The following NRG2 variants were observed in gnomAD, a reference collection of about 807,000 sequenced individuals.
The protein encoded by NRG2 is neuregulin 2, also known as pro-neuregulin-2, membrane-bound isoform.
NRG2 carries 27 observed loss-of-function variants against 73.9 expected under a neutral mutation model. That is an observed-to-expected ratio of 0.37 (90% CI 0.27 to 0.50). The LOEUF (loss-of-function observed/expected upper bound fraction) is 0.50. Among genes scored for constraint, NRG2 ranks in the 20% least tolerant of loss-of-function variants. The probability of loss-of-function intolerance (pLI) is 0.96; values close to 1 mark genes in which losing one functional copy is unlikely to be tolerated. For synonymous variants in NRG2, 532 were observed against 541.0 expected (o/e 0.98, Z 0.23); for missense variants, 1,126 against 1,210.1 (o/e 0.93, Z 1.03).
At chr5:139,925,353 ATGAGGCC>A (rs1369922648) in intron 1 of NRG2, among the ~76,000 whole-genome samples, 4 of 152,150 alleles carry the variant, frequency 2.6e-5, no homozygotes, top group Admixed American at 6.6e-5. Context: ...CTGGACACTC[ATGAGGCC>A]TGAAAACGCG....
chr5:140,036,244 C>T (rs1761497680), intron 1 of NRG2, among the ~76,000 whole-genome samples: 1 of 152,226 alleles, frequency 6.6e-6, no homozygotes, highest in South Asian at 2.1e-4. Context: ...CTTAATTTAA[C>T]TTCATTTCAT....
At chr5:140,015,164 T>C (rs1759670846) in intron 1 of NRG2, among the ~76,000 whole-genome samples, 1 of 151,342 alleles carries the variant, frequency 6.6e-6, no homozygotes, top group African/African-American at 2.4e-5. Flanking sequence ...CATTTTTTTT[T>C]CTTATAATAT....
In NRG2 at chr5:139,865,416, A is replaced by C; in HGVS notation, c.1189+133T>G. The stretch of plus-strand genomic sequence containing the variant: ...GAACTAACAAACCAAAATACAAAAA[A>C]GAAAAGAGAAACAAAACAAAACAGC... On this transcript the variant is annotated intron_variant, in intron 5 of 9. Coordinates refer to ENST00000361474, the MANE Select transcript of NRG2 (RefSeq NM_004883.3). This position sits in a 1 kb window ranked among gnomAD's most constrained non-coding sequence, Gnocchi z 5.2. 3.9e-6 allele frequency: 3 copies of C among 762,318 alleles called. No homozygotes were observed. The highest frequency in any genetic ancestry group is 3.2e-5 in the South Asian group (2 of 62,152). The allele number at this position is 762,318 out of a possible 1,614,324, so 47.2% of individuals were successfully genotyped here. A position where few individuals can be genotyped will look rare whatever the true frequency, so the allele number is the denominator to read the frequency against.
At position 139,915,259 on chromosome 5, in the gene NRG2, G is replaced by A. The variant is rs1473815362; in HGVS notation, c.701-27748C>T. On this transcript the variant is annotated intron_variant, in intron 1 of 9. Coordinates refer to ENST00000361474, the MANE Select transcript of NRG2 (RefSeq NM_004883.3). This position sits in a 1 kb window ranked among gnomAD's most constrained non-coding sequence, Gnocchi z 4.0. ...TTAAGAGCTTATTACCAAATAGGCT[G>A]TAAATGGCTTTCCAGCCTTCTCTTT... is the stretch of plus-strand genomic sequence containing the variant. Among the ~76,000 whole-genome samples, 2 of 152,224 alleles carry A rather than the reference G, an allele frequency of 1.3e-5. No homozygotes were observed. Among genetic ancestry groups the A allele is most frequent in the African/African-American group, 4.8e-5 (2 of 41,456 alleles).
At chr5:140,018,506 C>T (rs1279030228) in intron 1 of NRG2, among the ~76,000 whole-genome samples, 1 of 152,178 alleles carries the variant, frequency 6.6e-6, no homozygotes, top group Non-Finnish European at 1.5e-5. Flanking sequence ...ATGCCACCCA[C>T]ATCATTGCCC....
At position 139,873,296 on chromosome 5, in the gene NRG2, C is replaced by T. The variant is rs980635135; in HGVS notation, c.992-1455G>A. Among the ~76,000 whole-genome samples, 11 of 152,308 alleles carry T rather than the reference C, an allele frequency of 7.2e-5. No homozygotes were observed. In the South Asian group the frequency reaches 8.3e-4, roughly 11 times the overall value. ...CAACCCCAGACCCAGCTGGAACCCA[C>T]GTGCTGGCTGGAACTAGAGACCTCC... On this transcript the variant is annotated intron_variant, in intron 3 of 9. Coordinates refer to ENST00000361474, the MANE Select transcript of NRG2 (RefSeq NM_004883.3).
intron 1 of NRG2, among the ~76,000 whole-genome samples, chr5:140,023,412 T>C (rs1561759863): frequency 6.6e-6 from 1 of 152,170 alleles, no homozygotes; most frequent in East Asian, 1.9e-4. Context: ...AAGGCTAACC[T>C]CCAGTCCTAA....
intron 1 of NRG2, among the ~76,000 whole-genome samples, chr5:140,016,301 C>G (rs1013089163): frequency 6.6e-6 from 1 of 152,146 alleles, no homozygotes; most frequent in Non-Finnish European, 1.5e-5. Context: ...ACTCTCAGGG[C>G]CTTAGTTTTC....
chr5:139,897,841 C>T (rs753667748), intron 1 of NRG2, among the ~76,000 whole-genome samples: 9 of 152,146 alleles, frequency 5.9e-5, no homozygotes, highest in Admixed American at 1.3e-4. Flanking sequence ...ATAATGAAGT[C>T]GGGGCCCTGA....
chr5:140,002,248 T>C (rs1758546980), intron 1 of NRG2, among the ~76,000 whole-genome samples: 1 of 152,154 alleles, frequency 6.6e-6, no homozygotes, highest in African/African-American at 2.4e-5. Flanking sequence ...ACAAAATTTT[T>C]TGTCCTCTTG....
intron 1 of NRG2, among the ~76,000 whole-genome samples, chr5:139,960,600 G>A (rs1754986479): frequency 6.6e-6 from 1 of 152,194 alleles, no homozygotes; most frequent in African/African-American, 2.4e-5. Context: ...TGACCTGAAA[G>A]TTATTTAACT....
intron 1 of NRG2, among the ~76,000 whole-genome samples, chr5:139,998,232 T>C (rs753974909): frequency 2.0e-5 from 3 of 152,184 alleles, no homozygotes; most frequent in Admixed American, 1.3e-4. Flanking sequence ...TTTGGGCCTC[T>C]AGTTTCTACT....
chr5:139,858,617 T>C (rs891842464), intron 5 of NRG2, among the ~76,000 whole-genome samples: 7 of 152,146 alleles, frequency 4.6e-5, no homozygotes, highest in East Asian at 1.9e-4. Flanking sequence ...CTTATAGACA[T>C]TGACATATCT....
chr5:140,012,265 G>C (rs1290185544), intron 1 of NRG2, among the ~76,000 whole-genome samples: 1 of 152,106 alleles, frequency 6.6e-6, no homozygotes, highest in Non-Finnish European at 1.5e-5. Context: ...CTTCACTTGT[G>C]CTCCCCCTTA....
intron 1 of NRG2, among the ~76,000 whole-genome samples, chr5:140,041,304 A>G (rs1761896344): frequency 6.6e-6 from 1 of 152,200 alleles, no homozygotes; most frequent in South Asian, 2.1e-4. Flanking sequence ...CGAAACCTCA[A>G]TTTGAATAAG....
chr5:139,926,828 C>G (rs1332916940), intron 1 of NRG2, among the ~76,000 whole-genome samples: 6 of 152,206 alleles, frequency 3.9e-5, no homozygotes, highest in Admixed American at 3.9e-4. Flanking sequence ...AACCCCTACT[C>G]CCTCCATGGA....
At chr5:139,985,935 T>G (rs1757142535) in intron 1 of NRG2, among the ~76,000 whole-genome samples, 1 of 152,072 alleles carries the variant, frequency 6.6e-6, no homozygotes, top group Non-Finnish European at 1.5e-5. Flanking sequence ...TGAGTCAGTG[T>G]GCAAGCCAAG....
intron 1 of NRG2, among the ~76,000 whole-genome samples, chr5:139,950,900 T>C (rs1181361920): frequency 6.6e-6 from 1 of 152,246 alleles, no homozygotes; most frequent in Non-Finnish European, 1.5e-5. Flanking sequence ...CCATCCTAGC[T>C]GCATCGTGAC....
chr5:140,015,728 C>G (rs1030290797), intron 1 of NRG2, among the ~76,000 whole-genome samples: 1 of 152,106 alleles, frequency 6.6e-6, no homozygotes, highest in African/African-American at 2.4e-5. Flanking sequence ...GGAAGGGATG[C>G]CTCACTCAGG....
Sources: gnomAD v4.1 joint callset for allele counts (sites outside exome capture counted in the v4.1 genomes callset) on GRCh38, gnomAD v4.1.1 for gene constraint, Gnocchi (gnomAD v3.1) non-coding constraint, MANE v1.5 for transcripts, NCBI Gene and HGNC (gene_info 2026-07-23, HGNC 2026-07-21) for gene names.